GGTA1: variants seen among roughly 807,000 people sequenced by gnomAD.
GGTA1 encodes glycoprotein alpha-galactosyltransferase 1 (inactive).
Under a neutral mutation model 2.6 loss-of-function variants are expected in GGTA1, and 5 were observed. That is an observed-to-expected ratio of 1.92 (90% CI 1.00 to 4.04). The LOEUF (loss-of-function observed/expected upper bound fraction) is 4.04, where lower values mean the gene tolerates loss of function less well. GGTA1 is among the 30% of genes most tolerant of loss of function. The pLI is 0.00. For synonymous variants in GGTA1, 17 were observed against 5.0 expected (o/e 3.38, Z -3.19); for missense variants, 50 against 16.7 (o/e 2.99, Z -3.47).
chr9:121,494,939 T>G (rs1828957062), intron 1 of GGTA1: 1 of 151,530 alleles, frequency 6.6e-6, no homozygotes, highest in Admixed American at 6.8e-5. Context: ...TTTTTTTTTT[T>G]TTTGAGACAG....
chr9:121,470,118 C>T (rs1018773111), intron 1 of GGTA1, among the ~76,000 whole-genome samples: 1 of 152,156 alleles, frequency 6.6e-6, no homozygotes, highest in Non-Finnish European at 1.5e-5. Context: ...TTGTTTTTTC[C>T]TGAGCTTTTC....
intron 1 of GGTA1, among the ~76,000 whole-genome samples, chr9:121,485,738 G>A (rs1336982409): frequency 6.6e-6 from 1 of 152,102 alleles, no homozygotes; most frequent in African/African-American, 2.4e-5. Flanking sequence ...AGCAGAGCAG[G>A]GCCTTGGGCT....
rs556242375 is a variant in GGTA1 at position 121,469,111 on chromosome 9, G to A, written c.-9-1180C>T. On this transcript the variant is annotated intron_variant, in intron 1 of 5. Coordinates refer to ENST00000481799, the MANE Select transcript of GGTA1 (RefSeq NM_001382585.1). The stretch of plus-strand genomic sequence containing the variant: ...TGCATAGATATTCCCTGATCGCTGC[G>A]TGAAACTGCTTAAAAAAGCAGGGGT... Among the ~76,000 whole-genome samples, 6 of 152,270 alleles carry A rather than the reference G, an allele frequency of 3.9e-5. No individual in the cohort carries two copies. In the East Asian group the frequency reaches 7.7e-4, roughly 20 times the overall value.
intron 1 of GGTA1, among the ~76,000 whole-genome samples, chr9:121,480,266 C>T (rs1310510025): frequency 6.6e-6 from 1 of 152,040 alleles, no homozygotes; most frequent in Non-Finnish European, 1.5e-5. Flanking sequence ...CCACGTTGGC[C>T]AGGATGGTCT....
chr9:121,477,345 G>C (rs181682768), intron 1 of GGTA1, among the ~76,000 whole-genome samples: 1 of 152,336 alleles, frequency 6.6e-6, no homozygotes, highest in Admixed American at 6.5e-5. Context: ...GAAAACTGTT[G>C]TCAGATAATG....
downstream of GGTA1, among the ~76,000 whole-genome samples, chr9:121,450,666 G>T (rs1420010173): frequency 6.6e-6 from 1 of 152,194 alleles, no homozygotes; most frequent in Non-Finnish European, 1.5e-5. Context: ...CTGCAACGTG[G>T]CTGGGTTATC....
chr9:121,457,034 A>T (rs1387047497), intron 5 of GGTA1, among the ~76,000 whole-genome samples: 1 of 152,212 alleles, frequency 6.6e-6, no homozygotes, highest in African/African-American at 2.4e-5. Flanking sequence ...GGACACAGAG[A>T]AAAGCTGATG....
At chr9:121,470,063 G>A (rs1347063448) in intron 1 of GGTA1, among the ~76,000 whole-genome samples, 1 of 152,178 alleles carries the variant, frequency 6.6e-6, no homozygotes, top group Non-Finnish European at 1.5e-5. Flanking sequence ...GTCCCATATG[G>A]TGTGCTATGC....
At chr9:121,465,867 T>A (rs901054489) in intron 2 of GGTA1, among the ~76,000 whole-genome samples, 1 of 152,166 alleles carries the variant, frequency 6.6e-6, no homozygotes, top group African/African-American at 2.4e-5. Flanking sequence ...ACACAATAAC[T>A]TATTTAATTC....
intron 1 of GGTA1, among the ~76,000 whole-genome samples, chr9:121,477,880 ATTC>A (rs1028878496): frequency 7.2e-5 from 11 of 151,962 alleles, no homozygotes; most frequent in African/African-American, 9.7e-5. Context: ...CGGCCAGCCC[ATTC>A]TTCTTCTTAA....
intron 5 of GGTA1, among the ~76,000 whole-genome samples, chr9:121,458,064 C>A (rs528257610): frequency 6.6e-6 from 1 of 151,560 alleles, no homozygotes; most frequent in Non-Finnish European, 1.5e-5. Context: ...CACCCACAAC[C>A]ACTCCCAGCT....
chr9:121,499,371 G>A (rs2118796658), intron 1 of GGTA1, among the ~76,000 whole-genome samples: 1 of 152,180 alleles, frequency 6.6e-6, no homozygotes, highest in East Asian at 1.9e-4. Flanking sequence ...CGGACCCGTG[G>A]GGGAACCTCA....
At chr9:121,482,044 G>T (rs1564656494) in intron 1 of GGTA1, among the ~76,000 whole-genome samples, 1 of 151,852 alleles carries the variant, frequency 6.6e-6, no homozygotes, top group Non-Finnish European at 1.5e-5. Flanking sequence ...AAATCTTCCT[G>T]CTGGGAGCTG....
chr9:121,454,623 C>T (rs1453661743), downstream of GGTA1, among the ~76,000 whole-genome samples: 1 of 152,146 alleles, frequency 6.6e-6, no homozygotes, highest in Non-Finnish European at 1.5e-5. Flanking sequence ...GCTGAGCTAC[C>T]ACGTACACTA....
intron 1 of GGTA1, among the ~76,000 whole-genome samples, chr9:121,486,832 T>G (rs778640652): frequency 4.6e-5 from 7 of 152,234 alleles, no homozygotes; most frequent in Non-Finnish European, 7.3e-5. Context: ...CCAGTACACA[T>G]GAGCTATAAT....
At chr9:121,453,816 G>A (rs923914479), downstream of GGTA1, among the ~76,000 whole-genome samples, 3 of 152,162 alleles carry the variant, frequency 2.0e-5, no homozygotes, top group African/African-American at 7.2e-5. Flanking sequence ...TTTTCCCACA[G>A]CGAGGCTGAT....
chr9:121,481,373 C>A (rs1246042047), intron 1 of GGTA1, among the ~76,000 whole-genome samples: 1 of 151,784 alleles, frequency 6.6e-6, no homozygotes, highest in Non-Finnish European at 1.5e-5. Flanking sequence ...TGGATGATTC[C>A]ATTTATTTAA....
intron 1 of GGTA1, among the ~76,000 whole-genome samples, chr9:121,480,747 T>C (rs1349063737): frequency 6.6e-6 from 1 of 152,222 alleles, no homozygotes; most frequent in Non-Finnish European, 1.5e-5. Context: ...AAATCCTTCC[T>C]GTGGCTAACT....
At chr9:121,454,040 AC>A (rs1439713752), downstream of GGTA1, among the ~76,000 whole-genome samples, 1 of 151,338 alleles carries the variant, frequency 6.6e-6, no homozygotes, top group Non-Finnish European at 1.5e-5. Context: ...CCTACATTTC[AC>A]CCCCAATGCT....
Sources: gnomAD v4.1 joint callset for allele counts (sites outside exome capture counted in the v4.1 genomes callset) on GRCh38, gnomAD v4.1.1 for gene constraint, MANE v1.5 for transcripts, NCBI Gene and HGNC (gene_info 2026-07-23, HGNC 2026-07-21) for gene names.